Variants in XIRP2 observed in about 807,000 individuals in gnomAD.
XIRP2 encodes xin actin binding repeat containing 2.
Under a neutral mutation model 277.0 loss-of-function variants are expected in XIRP2, and 236 were observed. The ratio of observed to expected loss-of-function variants is 0.85; its 90% CI spans 0.77 to 0.95. XIRP2 has a LOEUF of 0.95. XIRP2 is among the 40% of genes least tolerant of loss of function. XIRP2 has a pLI of 0.00. For synonymous variants in XIRP2, 1,490 were observed against 1,416.5 expected (o/e 1.05, Z -1.17); for missense variants, 4,640 against 4,157.5 (o/e 1.12, Z -3.19).
At chr2:167,043,944 T>TA (rs1688727992) in intron 2 of XIRP2, among the ~76,000 whole-genome samples, 1 of 151,784 alleles carries the variant, frequency 6.6e-6, no homozygotes, top group Non-Finnish European at 1.5e-5. Flanking sequence ...ATCATTCTGA[T>TA]ATAAAAAACA....
intron 3 of XIRP2, among the ~76,000 whole-genome samples, chr2:167,199,779 G>T (rs1258066508): frequency 6.6e-6 from 1 of 152,156 alleles, no homozygotes; most frequent in African/African-American, 2.4e-5. Flanking sequence ...CAACCAGAAA[G>T]AAGATGACAT....
chr2:166,978,038 G>A (rs904568214), intron 2 of XIRP2, among the ~76,000 whole-genome samples: 6 of 152,144 alleles, frequency 3.9e-5, no homozygotes, highest in Admixed American at 1.3e-4. Flanking sequence ...ATGTTTGCAT[G>A]TGTGTGATTG....
intron 3 of XIRP2, among the ~76,000 whole-genome samples, chr2:167,173,987 T>G (rs1692769003): frequency 6.6e-6 from 1 of 152,180 alleles, no homozygotes; most frequent in South Asian, 2.1e-4. Context: ...GTGGATAAGC[T>G]TTTTGATGTG....
rs929771215 is a variant in XIRP2, at chr2:166,890,516, G to A, written c.-19+1959G>A. Among the ~76,000 whole-genome samples the A allele has an allele frequency of 3.9e-5, 6 of 152,132 alleles. No individual in the cohort carries two copies. The East Asian group carries it at 5.8e-4, about 15-fold the overall frequency. The stretch of plus-strand genomic sequence containing the variant: ...GCATCTGAACAGACTGTAAATCCCT[G>A]AAGTCTGGATTTATGTTTTATAATT... On this transcript the variant is annotated intron_variant, in intron 1 of 10. Coordinates refer to ENST00000409195, the MANE Select transcript of XIRP2 (RefSeq NM_152381.6).
At chr2:167,107,506 C>T (rs116448552) in intron 2 of XIRP2, among the ~76,000 whole-genome samples, 2,179 of 151,746 alleles carry the variant, frequency 0.014, 57 homozygotes, top group African/African-American at 0.05. Context: ...TTTCACTGAT[C>T]AGTTTTATAA....
At chr2:167,132,475 C>T (rs530371709) in intron 2 of XIRP2, among the ~76,000 whole-genome samples, 1 of 151,836 alleles carries the variant, frequency 6.6e-6, no homozygotes. Flanking sequence ...GCGCTTTTCA[C>T]ATGGCAGACC....
chr2:167,161,171 A>G (rs1056664599), intron 3 of XIRP2, among the ~76,000 whole-genome samples: 2 of 152,150 alleles, frequency 1.3e-5, no homozygotes, highest in African/African-American at 4.8e-5. Flanking sequence ...CCTCCCTCCA[A>G]GCTGCTTTCA....
At chr2:167,081,094 A>G (rs1689716313) in intron 2 of XIRP2, among the ~76,000 whole-genome samples, 1 of 152,200 alleles carries the variant, frequency 6.6e-6, no homozygotes, top group Non-Finnish European at 1.5e-5. Flanking sequence ...TAAAATAACT[A>G]TATATAACTT....
intron 3 of XIRP2, among the ~76,000 whole-genome samples, chr2:167,208,851 T>C (rs1452110895): frequency 6.6e-6 from 1 of 152,228 alleles, no homozygotes; most frequent in Non-Finnish European, 1.5e-5. Context: ...AGAAAAACTT[T>C]AGAGTGTTAT....
chr2:167,136,552 TAGAC>T (rs1208022490), intron 3 of XIRP2, among the ~76,000 whole-genome samples: 3 of 152,224 alleles, frequency 2.0e-5, no homozygotes, highest in Non-Finnish European at 4.4e-5. Context: ...TGTTACATTT[TAGAC>T]AGAACCTCAT....
chr2:167,236,581 A>G (rs1432576713), intron 5 of XIRP2, among the ~76,000 whole-genome samples: 1 of 152,010 alleles, frequency 6.6e-6, no homozygotes, highest in Non-Finnish European at 1.5e-5. Context: ...CTTTCCTTTA[A>G]TGCCTCATGA....
intron 3 of XIRP2, chr2:167,187,281 C>T (rs916400052): frequency 1.0e-6 from 1 of 985,198 alleles, no homozygotes; most frequent in African/African-American, 1.7e-5. Context: ...CAGGCCCCAC[C>T]TATACAGAGC....
intron 2 of XIRP2, among the ~76,000 whole-genome samples, chr2:166,994,400 C>T (rs1258825609): frequency 7.7e-4 from 97 of 125,274 alleles, no homozygotes; most frequent in Admixed American, 5.3e-3. Flanking sequence ...GTGGGTGCAG[C>T]GCACCAGCAT....
intron 2 of XIRP2, among the ~76,000 whole-genome samples, chr2:166,946,711 A>G (rs985928466): frequency 1.3e-5 from 2 of 152,142 alleles, no homozygotes; most frequent in African/African-American, 4.8e-5. Context: ...TCATATAAAC[A>G]TTAAAGAAAT....
intron 3 of XIRP2, among the ~76,000 whole-genome samples, chr2:167,203,080 C>A (rs1328113891): frequency 6.6e-6 from 1 of 152,202 alleles, no homozygotes; most frequent in East Asian, 1.9e-4. Flanking sequence ...ATTGAACCCA[C>A]TTGGATAACC....
At chr2:167,125,107 G>T (rs6740242) in intron 2 of XIRP2, among the ~76,000 whole-genome samples, 6,198 of 152,252 alleles carry the variant, frequency 0.041, 130 homozygotes, top group Non-Finnish European at 0.05. Flanking sequence ...CTAAAGTGAT[G>T]TGTGCAGTAG....
At chr2:167,156,759 G>A (rs145019496) in intron 3 of XIRP2, among the ~76,000 whole-genome samples, 1 of 152,274 alleles carries the variant, frequency 6.6e-6, no homozygotes, top group Non-Finnish European at 1.5e-5. Flanking sequence ...CTTGTTGACA[G>A]AATAATTTTT....
At chr2:166,985,279 A>C (rs768169265) in intron 2 of XIRP2, among the ~76,000 whole-genome samples, 1 of 152,224 alleles carries the variant, frequency 6.6e-6, no homozygotes, top group Admixed American at 6.5e-5. Flanking sequence ...ATAAGAAAAT[A>C]AAAAGTAATC....
rs745332736 is a variant in XIRP2 at position 167,249,078 on chromosome 2, A to G, written c.7686A>G (p.Lys2562=). Reference sequence around the variant, plus strand: ...AAAAAGAAGAAATTGAAAAACAGAAACAGGAGAGTTCTTACTACAACATTG... The same window carrying G: ...AAAAAGAAGAAATTGAAAAACAGAAGCAGGAGAGTTCTTACTACAACATTG... ...RQQKEEIEKQ[K]QESSYYNIVK... The change falls in exon 9 of 11, where the codon AAA becomes AAG. Residue 2562 remains lysine (K), a synonymous_variant. Coordinates refer to ENST00000409195, the MANE Select transcript of XIRP2 (RefSeq NM_152381.6). The G allele has an allele frequency of 5.6e-6, 9 of 1,613,358 alleles. No homozygotes were observed. The South Asian group carries it at 9.9e-5, about 18-fold the overall frequency.
Sources: allele counts gnomAD v4.1 joint callset (sites outside exome capture counted in the v4.1 genomes callset), GRCh38; gene constraint gnomAD v4.1.1; transcripts MANE v1.5; gene names NCBI Gene and HGNC (gene_info 2026-07-23, HGNC 2026-07-21).